Variants in TMEM63B observed in about 807,000 individuals in gnomAD.
The protein encoded by TMEM63B is transmembrane protein 63B.
In TMEM63B, 23 loss-of-function variants were observed where a neutral mutation model predicts 102.6. That is an observed-to-expected ratio of 0.22 (90% confidence interval 0.16 to 0.32). The LOEUF is 0.32. Ranked by LOEUF, TMEM63B falls within the 10% of genes least tolerant of loss-of-function variation. TMEM63B has a pLI of 1.00. For missense variants in TMEM63B, 628 were observed against 1,095.9 expected, an observed-to-expected ratio of 0.57 and a Z score of 6.03; for synonymous variants, 444 against 437.0, an observed-to-expected ratio of 1.02 and a Z score of -0.20.
At chr6:44,140,130 G>A (rs1457783274) in intron 8 of TMEM63B, 122 bp from the exon 9 acceptor site, 1 of 763,212 alleles carries the variant, frequency 1.3e-6, no homozygotes, top group African/African-American at 1.7e-5. Context: ...GTCAGTGCCA[G>A]AAGGCTGGTG....
chr6:44,142,678 G>A (rs928829148), intron 10 of TMEM63B, among the ~76,000 whole-genome samples: 6 of 152,098 alleles, frequency 3.9e-5, no homozygotes, highest in African/African-American at 1.2e-4. Context: ...AAAGGATGCT[G>A]GTGGTCTGGA....
At chr6:44,134,461 G>A in intron 1 of TMEM63B, 100 bp from the exon 2 acceptor site, 1 of 1,275,828 alleles carries the variant, frequency 7.8e-7, no homozygotes, top group East Asian at 2.5e-5. Context: ...CACCCAGGCA[G>A]CCTGGTGATC....
intron 15 of TMEM63B, 117 bp from the exon 16 acceptor site, chr6:44,149,742 A>C (rs1179797523): frequency 2.6e-6 from 2 of 773,384 alleles, no homozygotes; most frequent in Non-Finnish European, 4.2e-6. Context: ...TGGGCTTCCA[A>C]CATGGGAGCC....
In TMEM63B at chr6:44,146,885, C is replaced by T. The variant is rs753677060; in HGVS notation, c.821C>T (p.Pro274Leu). 8 of 1,614,058 alleles carry T rather than the reference C, an allele frequency of 5.0e-6. No homozygotes were observed. The highest frequency in any genetic ancestry group is 1.7e-4 in the Middle Eastern group (1 of 6,056). Reference protein sequence around the residue: ...YPNCTVLEARPCYNVARLMFL... With the variant: ...YPNCTVLEARLCYNVARLMFL... ...AACTGCACAGTTCTCGAAGCCCGCC[C>T]GTGTTACAACGTGGCTCGCCTAATG... Residue 274 changes from proline (P) to leucine (L), a missense_variant, in exon 11 of 24, where the codon CCG (proline) becomes CTG (leucine). Pro to Leu is a moderately conservative substitution (Grantham distance 98, BLOSUM62 -3). This residue lies in a region of TMEM63B where 336 missense variants were observed against 580.3 expected (regional missense o/e 0.58). Coordinates refer to ENST00000323267, the MANE Select transcript of TMEM63B (RefSeq NM_018426.3).
At chr6:44,147,004 GCTCCC>G in intron 11 of TMEM63B, 77 bp downstream of exon 11, 1 of 1,485,408 alleles carries the variant, frequency 6.7e-7, no homozygotes, top group Non-Finnish European at 9.4e-7. Flanking sequence ...TACCACACAG[GCTCCC>G]CTTCTAGATT....
chr6:44,136,905 C>T (rs1355475367), intron 5 of TMEM63B, among the ~76,000 whole-genome samples: 4 of 152,166 alleles, frequency 2.6e-5, no homozygotes, highest in South Asian at 2.1e-4. Flanking sequence ...ATTAGCCAGG[C>T]GTGGTGGTGG....
At chr6:44,138,738 C>CCCCCCCCCT in intron 6 of TMEM63B, 1 of 398,116 alleles carries the variant, frequency 2.5e-6, no homozygotes, top group East Asian at 4.6e-5. Flanking sequence ...CCCTGCCGGC[C>CCCCCCCCCT]CCCCCGCTTC....
chr6:44,130,971 G>A (rs1181204031), intron 1 of TMEM63B, among the ~76,000 whole-genome samples: 2 of 151,930 alleles, frequency 1.3e-5, no homozygotes, highest in East Asian at 1.9e-4. Context: ...AGGCTGGAGT[G>A]CAGTGGCATG....
Position 44,140,234 on chromosome 6 carries a change from C to T in TMEM63B, c.603-18C>T. 6.2e-7 allele frequency: 1 copy of T among 1,606,494 alleles called. No individual in the cohort carries two copies. Among genetic ancestry groups the T allele is most frequent in the Non-Finnish European group, 8.5e-7 (1 of 1,173,378 alleles). The stretch of plus-strand genomic sequence containing the variant: ...CCTAGCCCCAGTGGCTCCCATGTAT[C>T]CTCTCTGCTTCTCCCAGGAACAACC... On this transcript the variant is annotated intron_variant, in intron 8 of 23. Coordinates refer to ENST00000323267, the MANE Select transcript of TMEM63B (RefSeq NM_018426.3).
chr6:44,132,515 T>C (rs1036943672), intron 1 of TMEM63B, among the ~76,000 whole-genome samples: 1 of 151,914 alleles, frequency 6.6e-6, no homozygotes, highest in Admixed American at 6.6e-5. Flanking sequence ...ATTGCTGGAG[T>C]ACATTGGAGT....
intron 2 of TMEM63B, 50 bp from the exon 3 acceptor site, chr6:44,134,967 C>T: frequency 6.2e-7 from 1 of 1,601,552 alleles, no homozygotes; most frequent in Non-Finnish European, 8.6e-7. Context: ...CCTAGTCCAG[C>T]AGGTGGACAG....
At position 44,152,131 on chromosome 6, in the gene TMEM63B, T is replaced by C; in HGVS notation, c.1836+123T>C. 8.1e-7 allele frequency: 1 copy of C among 1,227,472 alleles called. No homozygotes were observed. The highest frequency in any genetic ancestry group is 1.1e-6 in the Non-Finnish European group (1 of 910,914). The allele number at this position is 1,227,472 out of a possible 1,614,324, so 76.0% of individuals were successfully genotyped here. On this transcript the variant is annotated intron_variant, in intron 19 of 23. Transcript: ENST00000323267. This position sits in a 1 kb window ranked among gnomAD's most constrained non-coding sequence, Gnocchi z 6.4. Reference sequence around the variant, plus strand: ...CTGAGACTTGGGGAGTACAGTTGACTCACGGTGGATCCGGGCCATCCCCTT... The same window carrying C: ...CTGAGACTTGGGGAGTACAGTTGACCCACGGTGGATCCGGGCCATCCCCTT...
chr6:44,132,638 G>A (rs1294393633), intron 1 of TMEM63B, among the ~76,000 whole-genome samples: 1 of 151,956 alleles, frequency 6.6e-6, no homozygotes, highest in East Asian at 1.9e-4. Context: ...TTACATACCC[G>A]GGCTCCCAGA....
chr6:44,138,736 G>GCCCCCCCACCCCCCCCCCCCCCCC (rs77370584), intron 6 of TMEM63B: 1 of 276,128 alleles, frequency 3.6e-6, no homozygotes, highest in African/African-American at 2.7e-5. Flanking sequence ...CCCCCTGCCG[G>GCCCCCCCACCCCCCCCCCCCCCCC]CCCCCCCGCT....
chr6:44,155,012 TA>T lies in TMEM63B; in HGVS notation c.*132del. On this transcript the variant is annotated 3_prime_UTR_variant, in exon 24 of 24. Transcript: ENST00000323267. ...CAGCCCCTGCTTTCATTAAGGTATT[TA>T]AACTTGGGGGTTTCACTGCTCTCCC... 2 of 924,494 alleles carry T rather than the reference TA, an allele frequency of 2.2e-6. No homozygotes were observed. The highest frequency in any genetic ancestry group is 3.0e-6 in the Non-Finnish European group (2 of 661,648). 57.3% of individuals were successfully genotyped at this position (924,494 alleles called of 1,614,324 possible).
intron 1 of TMEM63B, among the ~76,000 whole-genome samples, chr6:44,128,977 A>G (rs1394153564): frequency 6.6e-6 from 1 of 152,246 alleles, no homozygotes; most frequent in East Asian, 1.9e-4. Flanking sequence ...ACATCATTCA[A>G]GTTCTCTCCA....
At position 44,139,504 on chromosome 6, in the gene TMEM63B, G is replaced by A. The variant is rs1426847400; in HGVS notation, c.445G>A (p.Val149Met). ...CCGGGACAAATGTGGGGGCGATGCCGTGCACTACCTGTCCTTTCAGCGGCA... is the reference window on the plus strand; with the variant it reads ...CCGGGACAAATGTGGGGGCGATGCCATGCACTACCTGTCCTTTCAGCGGCA... ...EIRDKCGGDA[V>M]HYLSFQRHII... The change falls in exon 7 of 24, where the codon GTG becomes ATG. Residue 149 changes from valine (V) to methionine (M), a missense_variant. Physicochemically the swap from Val to Met is conservative, Grantham distance 21. This residue lies in a region of TMEM63B where 336 missense variants were observed against 580.3 expected (regional missense o/e 0.58). Coordinates refer to ENST00000323267, the MANE Select transcript of TMEM63B (RefSeq NM_018426.3). 11 of 1,614,082 alleles carry A rather than the reference G, an allele frequency of 6.8e-6. No homozygotes were observed. The highest frequency in any genetic ancestry group is 1.6e-4 in the Middle Eastern group (1 of 6,084).
chr6:44,139,503 C>A lies in TMEM63B; in HGVS notation c.444C>A (p.Ala148=), dbSNP rs1289007843. 1 of 1,614,178 alleles carries A rather than the reference C, an allele frequency of 6.2e-7. No individual in the cohort carries two copies. Among genetic ancestry groups the A allele is most frequent in the Non-Finnish European group, 8.5e-7 (1 of 1,180,044 alleles). Residue 148 remains alanine (A), a synonymous_variant, in exon 7 of 24, where the codon GCC becomes GCA. Coordinates refer to ENST00000323267, the MANE Select transcript of TMEM63B (RefSeq NM_018426.3). ...TCCGGGACAAATGTGGGGGCGATGC[C>A]GTGCACTACCTGTCCTTTCAGCGGC... ...DEIRDKCGGD[A]VHYLSFQRHI...
intron 6 of TMEM63B, among the ~76,000 whole-genome samples, chr6:44,139,097 C>A (rs762772224): frequency 5.3e-5 from 8 of 152,164 alleles, no homozygotes; most frequent in Non-Finnish European, 7.3e-5. Context: ...TCCTCTCTTG[C>A]CTTCCTCCCT....
Sources: gnomAD v4.1 joint callset for allele counts (sites outside exome capture counted in the v4.1 genomes callset) on GRCh38, gnomAD v4.1.1 for gene constraint, gnomAD v4.1.1 regional missense constraint, Gnocchi (gnomAD v3.1) non-coding constraint, MANE v1.5 for transcripts, NCBI Gene and HGNC (gene_info 2026-07-23, HGNC 2026-07-21) for gene names.